IMMP2L: variants seen among roughly 807,000 people sequenced by gnomAD.
IMMP2L encodes the protein mitochondrial inner membrane protease subunit 2.
In IMMP2L, 18 loss-of-function variants were observed where a neutral mutation model predicts 19.3. The observed-to-expected ratio is 0.93, with a 90% CI of 0.64 to 1.38. The LOEUF is 1.38. IMMP2L is among the 40% of genes most tolerant of loss of function. The pLI is 0.00. For missense variants in IMMP2L, 233 were observed against 218.2 expected (o/e 1.07, Z -0.43); for synonymous variants, 76 against 73.0 (o/e 1.04, Z -0.21).
chr7:111,228,662 A>G (rs1191281567), intron 3 of IMMP2L, among the ~76,000 whole-genome samples: 1 of 152,034 alleles, frequency 6.6e-6, no homozygotes, highest in Non-Finnish European at 1.5e-5. Flanking sequence ...GTTTTGTATG[A>G]AATTTCCTCT....
chr7:111,274,739 T>C (rs1818836007), intron 3 of IMMP2L, among the ~76,000 whole-genome samples: 1 of 152,214 alleles, frequency 6.6e-6, no homozygotes, highest in Non-Finnish European at 1.5e-5. Context: ...GAACAACTGT[T>C]TTGTAATCCT....
At chr7:110,932,452 C>T (rs1463583125) in intron 4 of IMMP2L, among the ~76,000 whole-genome samples, 3 of 151,952 alleles carry the variant, frequency 2.0e-5, no homozygotes, top group Non-Finnish European at 4.4e-5. Flanking sequence ...CTTTTGGGTT[C>T]GTGCCATTCT....
At chr7:110,960,635 T>C (rs938996040) in intron 4 of IMMP2L, among the ~76,000 whole-genome samples, 6 of 151,952 alleles carry the variant, frequency 3.9e-5, no homozygotes, top group African/African-American at 1.4e-4. Context: ...TCCCAGTTTC[T>C]GCCACAAAGC....
intron 3 of IMMP2L, among the ~76,000 whole-genome samples, chr7:111,180,706 A>T (rs980060204): frequency 1.3e-5 from 2 of 152,014 alleles, no homozygotes; most frequent in Admixed American, 6.6e-5. Context: ...CCTACAATAA[A>T]ATTGTGCTGA....
At chr7:110,838,576 T>C (rs961861371) in intron 5 of IMMP2L, among the ~76,000 whole-genome samples, 2 of 151,804 alleles carry the variant, frequency 1.3e-5, no homozygotes, top group South Asian at 2.1e-4. Flanking sequence ...CTGGTGGCTT[T>C]ATAAGATAAA....
At chr7:111,226,875 G>A (rs1813164278) in intron 3 of IMMP2L, among the ~76,000 whole-genome samples, 2 of 151,968 alleles carry the variant, frequency 1.3e-5, no homozygotes, top group African/African-American at 2.4e-5. Flanking sequence ...ATAATACGAA[G>A]GGACAGAATG....
intron 3 of IMMP2L, among the ~76,000 whole-genome samples, chr7:111,242,620 C>G (rs58247636): frequency 2.0e-5 from 3 of 151,850 alleles, no homozygotes; most frequent in Non-Finnish European, 4.4e-5. Context: ...AGCACACAAA[C>G]GAGCTTGCTG....
intron 5 of IMMP2L, among the ~76,000 whole-genome samples, chr7:110,860,534 G>C (rs1038014311): frequency 1.3e-5 from 2 of 151,992 alleles, no homozygotes; most frequent in Non-Finnish European, 2.9e-5. Context: ...CTGCAAGCAT[G>C]TTTGTCTATA....
intron 3 of IMMP2L, among the ~76,000 whole-genome samples, chr7:110,966,367 T>C (rs1249322567): frequency 6.6e-6 from 1 of 152,016 alleles, no homozygotes; most frequent in Non-Finnish European, 1.5e-5. Context: ...TTGTGTTATA[T>C]GACATTACCC....
intron 3 of IMMP2L, among the ~76,000 whole-genome samples, chr7:111,156,221 T>C (rs1160818140): frequency 6.6e-6 from 1 of 152,090 alleles, no homozygotes; most frequent in African/African-American, 2.4e-5. Context: ...TATTTAGGAT[T>C]AGAATAGGTG....
At chr7:111,062,557 C>T (rs182102042) in intron 3 of IMMP2L, among the ~76,000 whole-genome samples, 44 of 152,326 alleles carry the variant, frequency 2.9e-4, no homozygotes, top group African/African-American at 1.0e-3. Context: ...TCAGCACTAA[C>T]TTAAAAGTCC....
chr7:111,376,690 T>C (rs894453040), intron 3 of IMMP2L, among the ~76,000 whole-genome samples: 2 of 152,114 alleles, frequency 1.3e-5, no homozygotes, highest in African/African-American at 4.8e-5. Flanking sequence ...ATGGGGTCTA[T>C]CCATACAGTG....
At chr7:110,693,667 C>G (rs1386210472) in intron 5 of IMMP2L, among the ~76,000 whole-genome samples, 2 of 152,082 alleles carry the variant, frequency 1.3e-5, no homozygotes, top group East Asian at 3.9e-4. Flanking sequence ...ATGAAGCTTT[C>G]CTAGAGGGAA....
intron 3 of IMMP2L, among the ~76,000 whole-genome samples, chr7:111,444,054 G>C (rs1838033412): frequency 6.6e-6 from 1 of 152,126 alleles, no homozygotes; most frequent in African/African-American, 2.4e-5. Flanking sequence ...TGCTATGAAA[G>C]TATCTTTAAA....
intron 5 of IMMP2L, among the ~76,000 whole-genome samples, chr7:110,818,856 A>G (rs529593202): frequency 1.1e-4 from 17 of 151,108 alleles, no homozygotes; most frequent in African/African-American, 3.4e-4. Context: ...AAACTATCGC[A>G]AGGACAAAAA....
At chr7:111,155,106 A>T (rs1804497644) in intron 3 of IMMP2L, among the ~76,000 whole-genome samples, 1 of 152,052 alleles carries the variant, frequency 6.6e-6, no homozygotes, top group Non-Finnish European at 1.5e-5. Flanking sequence ...ATATTCAAAG[A>T]CGTATGGGTA....
At chr7:110,716,009 G>T (rs558704107) in intron 5 of IMMP2L, among the ~76,000 whole-genome samples, 1 of 152,016 alleles carries the variant, frequency 6.6e-6, no homozygotes, top group Non-Finnish European at 1.5e-5. Flanking sequence ...TCATCATTAT[G>T]TAATGCCCTT....
At chr7:110,897,613 T>C (rs1811455090) in intron 4 of IMMP2L, among the ~76,000 whole-genome samples, 1 of 152,184 alleles carries the variant, frequency 6.6e-6, no homozygotes, top group Non-Finnish European at 1.5e-5. Context: ...ATAACATAAC[T>C]ATGTAAGGAC....
chr7:111,389,443 G>A (rs977204477), intron 3 of IMMP2L, among the ~76,000 whole-genome samples: 1 of 151,996 alleles, frequency 6.6e-6, no homozygotes, highest in Non-Finnish European at 1.5e-5. Flanking sequence ...GTTATACTGA[G>A]ATTATGTAGG....
Sources: allele counts gnomAD v4.1 joint callset (sites outside exome capture counted in the v4.1 genomes callset), GRCh38; gene constraint gnomAD v4.1.1; transcripts MANE v1.5; gene names NCBI Gene and HGNC (gene_info 2026-07-23, HGNC 2026-07-21).